Variants in PITPNC1 observed in about 807,000 individuals in gnomAD.
PITPNC1 encodes the protein phosphatidylinositol transfer protein cytoplasmic 1.
Under a neutral mutation model 44.7 loss-of-function variants are expected in PITPNC1, and 18 were observed. The observed-to-expected ratio is 0.40, with a 90% CI of 0.28 to 0.60. The LOEUF (loss-of-function observed/expected upper bound fraction) is 0.60, where lower values mean the gene tolerates loss of function less well. PITPNC1 is among the 20% of genes least tolerant of loss of function. The probability of loss-of-function intolerance (pLI) is 0.39; values close to 1 mark genes in which losing one functional copy is unlikely to be tolerated. For missense variants in PITPNC1, 290 were observed against 418.4 expected (o/e 0.69, Z 2.68); for synonymous variants, 141 against 149.6 (o/e 0.94, Z 0.42).
At chr17:67,445,929 T>G (rs1283744178) in intron 1 of PITPNC1, among the ~76,000 whole-genome samples, 12 of 151,674 alleles carry the variant, frequency 7.9e-5, no homozygotes, top group Non-Finnish European at 4.4e-5. Flanking sequence ...CTAGGTATCT[T>G]TGGCTGTTTT....
intron 1 of PITPNC1, among the ~76,000 whole-genome samples, chr17:67,472,841 T>C (rs1410929690): frequency 1.3e-5 from 2 of 151,912 alleles, no homozygotes; most frequent in Admixed American, 6.6e-5. Context: ...TTCAAAGAAT[T>C]TGTGGACATA....
intron 1 of PITPNC1, among the ~76,000 whole-genome samples, chr17:67,389,765 C>T (rs1454868190): frequency 6.6e-6 from 1 of 152,000 alleles, no homozygotes; most frequent in East Asian, 1.9e-4. Flanking sequence ...CTGCACCCTC[C>T]GCTTCCTGGG....
At chr17:67,589,838 C>T (rs2041367476) in intron 5 of PITPNC1, among the ~76,000 whole-genome samples, 1 of 152,052 alleles carries the variant, frequency 6.6e-6, no homozygotes, top group South Asian at 2.1e-4. Flanking sequence ...CGTCATGGCA[C>T]ATGCCTGTAA....
chr17:67,690,305 G>A (rs771015665), intron 8 of PITPNC1, among the ~76,000 whole-genome samples: 4 of 151,932 alleles, frequency 2.6e-5, no homozygotes, highest in South Asian at 2.1e-4. Context: ...AAAATTAGCC[G>A]GGCGTGGTGG....
chr17:67,627,641 A>G (rs2041911675), intron 5 of PITPNC1, among the ~76,000 whole-genome samples: 1 of 152,086 alleles, frequency 6.6e-6, no homozygotes, highest in East Asian at 1.9e-4. Flanking sequence ...AGCAGTTTTG[A>G]TTGATGTTTA....
At chr17:67,667,671 A>T (rs925085632) in intron 6 of PITPNC1, among the ~76,000 whole-genome samples, 22 of 96,160 alleles carry the variant, frequency 2.3e-4, no homozygotes, top group Non-Finnish European at 4.1e-4. Flanking sequence ...GATTAAACTT[A>T]AAAAAAAAAA....
intron 1 of PITPNC1, among the ~76,000 whole-genome samples, chr17:67,505,616 A>G (rs548980542): frequency 6.6e-6 from 1 of 152,268 alleles, no homozygotes; most frequent in South Asian, 2.1e-4. Context: ...TTTGGATCTA[A>G]ACTATCTCCT....
chr17:67,539,347 G>C (rs2040572130), intron 2 of PITPNC1, among the ~76,000 whole-genome samples: 1 of 152,106 alleles, frequency 6.6e-6, no homozygotes, highest in Admixed American at 6.5e-5. Flanking sequence ...CTGTACACAA[G>C]GAGACATTTA....
intron 1 of PITPNC1, among the ~76,000 whole-genome samples, chr17:67,516,773 C>T (rs952516310): frequency 3.3e-5 from 5 of 152,292 alleles, no homozygotes; most frequent in African/African-American, 9.6e-5. Flanking sequence ...CGCCCGCCAC[C>T]ACGCCTGGTT....
intron 1 of PITPNC1, among the ~76,000 whole-genome samples, chr17:67,451,980 G>A (rs898001431): frequency 3.3e-5 from 5 of 151,414 alleles, no homozygotes; most frequent in Admixed American, 1.3e-4. Context: ...GAGTTCATTC[G>A]TGTTGTTGAA....
chr17:67,543,674 C>T (rs925942560), intron 2 of PITPNC1, among the ~76,000 whole-genome samples: 3 of 152,054 alleles, frequency 2.0e-5, no homozygotes, highest in Non-Finnish European at 4.4e-5. Context: ...TTGAAAATGC[C>T]ATTTATCCTT....
At chr17:67,404,754 A>G (rs2038370563) in intron 1 of PITPNC1, among the ~76,000 whole-genome samples, 1 of 152,238 alleles carries the variant, frequency 6.6e-6, no homozygotes, top group South Asian at 2.1e-4. Flanking sequence ...GAATGACAAA[A>G]GCTTGGCTAA....
At chr17:67,506,666 G>A (rs1280259263) in intron 1 of PITPNC1, among the ~76,000 whole-genome samples, 2 of 152,024 alleles carry the variant, frequency 1.3e-5, no homozygotes, top group Admixed American at 6.6e-5. Flanking sequence ...GATGTACTGC[G>A]GGTAAACAAG....
intron 1 of PITPNC1, among the ~76,000 whole-genome samples, chr17:67,404,310 C>T (rs1234946310): frequency 6.6e-6 from 1 of 152,090 alleles, no homozygotes; most frequent in Non-Finnish European, 1.5e-5. Context: ...TTTTGTAAAG[C>T]CAGAAACGTA....
chr17:67,562,296 C>T (rs1373787732), intron 4 of PITPNC1, among the ~76,000 whole-genome samples: 4 of 152,160 alleles, frequency 2.6e-5, no homozygotes, highest in African/African-American at 7.2e-5. Flanking sequence ...GAGAGGCCCG[C>T]GTGCATTTCC....
chr17:67,621,661 C>T (rs1195812314), intron 5 of PITPNC1, among the ~76,000 whole-genome samples: 1 of 152,198 alleles, frequency 6.6e-6, no homozygotes. Flanking sequence ...GTTGAACACA[C>T]AGTAGGTGCT....
chr17:67,504,190 C>T (rs2040071775), intron 1 of PITPNC1, among the ~76,000 whole-genome samples: 1 of 151,574 alleles, frequency 6.6e-6, no homozygotes, highest in South Asian at 2.1e-4. Context: ...CATCTCCAGC[C>T]TTCCAGGAGT....
At chr17:67,399,162 A>G (rs552869061) in intron 1 of PITPNC1, among the ~76,000 whole-genome samples, 42 of 151,708 alleles carry the variant, frequency 2.8e-4, no homozygotes, top group Non-Finnish European at 3.2e-4. Context: ...TTACAGGCAC[A>G]TGCCACCACG....
intron 2 of PITPNC1, among the ~76,000 whole-genome samples, chr17:67,536,224 A>G (rs1453978913): frequency 6.6e-6 from 1 of 152,218 alleles, no homozygotes; most frequent in African/African-American, 2.4e-5. Flanking sequence ...TAAGGTGCTA[A>G]TATTGTTTAG....
Sources: allele counts gnomAD v4.1 joint callset (sites outside exome capture counted in the v4.1 genomes callset), GRCh38; gene constraint gnomAD v4.1.1; transcripts MANE v1.5; gene names NCBI Gene and HGNC (gene_info 2026-07-23, HGNC 2026-07-21).